The following CCNK variants were observed in gnomAD, a reference collection of about 807,000 sequenced individuals.
The protein encoded by CCNK is cyclin-K.
A neutral mutation model predicts 65.0 loss-of-function variants in CCNK; 9 were observed. The ratio of observed to expected loss-of-function variants is 0.14; its 90% CI spans 0.08 to 0.24. The LOEUF (loss-of-function observed/expected upper bound fraction) is 0.24. CCNK is among the 10% of genes least tolerant of loss of function. The pLI, the probability that CCNK is intolerant of heterozygous loss-of-function variation, is 1.00. For synonymous variants in CCNK, 279 were observed against 270.8 expected (o/e 1.03, Z -0.30); for missense variants, 474 against 720.0 (o/e 0.66, Z 3.91).
At chr14:99,503,545 T>C (rs916115458) in intron 8 of CCNK, 66 bp from the exon 9 acceptor site, 2 of 1,384,358 alleles carry the variant, frequency 1.4e-6, no homozygotes, top group Non-Finnish European at 1.0e-6. Context: ...GGTACCTGGA[T>C]AATCCATTTT....
chr14:99,500,994 A>G (rs1187747318), intron 5 of CCNK, 123 bp downstream of exon 5: 13 of 679,686 alleles, frequency 1.9e-5, no homozygotes, highest in African/African-American at 5.5e-5. Context: ...TACCAAGGGC[A>G]TGGCTTGCTC....
Position 99,502,636 on chromosome 14 carries a change from G to T in CCNK, c.746-83G>T, listed in dbSNP as rs79410788. ...GATTCATGCTTAGGTCCTCGTAGGG[G>T]TATCATAACTGATTCTTTATCCAGG... On this transcript the variant is annotated intron_variant, in intron 7 of 10. Coordinates refer to ENST00000389879, the MANE Select transcript of CCNK (RefSeq NM_001099402.2). 3.0e-6 allele frequency: 4 copies of T among 1,342,512 alleles called. No individual in the cohort carries two copies. The African/African-American group carries it at 4.4e-5, about 15-fold the overall frequency. The allele number at this position is 1,342,512 out of a possible 1,614,324, so 83.2% of individuals were successfully genotyped here. A position where few individuals can be genotyped will look rare whatever the true frequency, so the allele number is the denominator to read the frequency against.
intron 1 of CCNK, among the ~76,000 whole-genome samples, chr14:99,483,143 C>T (rs1290036574): frequency 6.6e-6 from 1 of 152,116 alleles, no homozygotes; most frequent in Non-Finnish European, 1.5e-5. Context: ...CTCTTGGCTA[C>T]TAGGAACCTA....
At chr14:99,507,375 G>A (rs531351860) in intron 10 of CCNK, 6 of 529,400 alleles carry the variant, frequency 1.1e-5, no homozygotes, top group South Asian at 4.1e-5. Context: ...CCAGGAGTTC[G>A]AGGTCAGCCT....
intron 9 of CCNK, chr14:99,503,887 A>T (rs1020484716): frequency 1.9e-6 from 1 of 529,454 alleles, no homozygotes. Context: ...ACTCAGTAAC[A>T]TATATAAAAG....
At chr14:99,494,618 A>G (rs1049813854) in intron 3 of CCNK, 2 of 152,236 alleles carry the variant, frequency 1.3e-5, no homozygotes, top group African/African-American at 4.8e-5. Flanking sequence ...GAAGGATTGG[A>G]GTGGGCAAAG....
rs1897117592 is a variant in CCNK at position 99,511,002 on chromosome 14, G to C, written c.*220G>C. On this transcript the variant is annotated 3_prime_UTR_variant, in exon 11 of 11. Coordinates refer to ENST00000389879, the MANE Select transcript of CCNK (RefSeq NM_001099402.2). ...AGCCTCATCAGTGCCCTTGCAGTCT[G>C]ACTGTGTACACTTGGTTCAGCTAAT... 3 of 383,970 alleles carry C rather than the reference G, an allele frequency of 7.8e-6. No individual in the cohort carries two copies. The highest frequency in any genetic ancestry group is 1.4e-5 in the Non-Finnish European group (3 of 217,924). 23.8% of individuals were successfully genotyped at this position (383,970 alleles called of 1,614,324 possible). A position where few individuals can be genotyped will look rare whatever the true frequency, so the allele number is the denominator to read the frequency against.
intron 1 of CCNK, among the ~76,000 whole-genome samples, chr14:99,485,154 T>G (rs1363864091): frequency 6.6e-6 from 1 of 152,234 alleles, no homozygotes; most frequent in Non-Finnish European, 1.5e-5. Context: ...ATATTTTCAC[T>G]ACATTTCATG....
rs751539159 is a variant in CCNK, at chr14:99,510,803, T to C, written c.*21T>C. ...GATAACGTGAGCCTTTTTTCCCTCT[T>C]TGTTTTTTTAACAAGATTTTCTAAT... On this transcript the variant is annotated 3_prime_UTR_variant, in exon 11 of 11. Coordinates refer to ENST00000389879, the MANE Select transcript of CCNK (RefSeq NM_001099402.2). The C allele has an allele frequency of 4.3e-6, 6 of 1,409,388 alleles. No homozygotes were observed. Among genetic ancestry groups the C allele is most frequent in the African/African-American group, 1.5e-5 (1 of 67,968 alleles). The allele number at this position is 1,409,388 out of a possible 1,614,324, so 87.3% of individuals were successfully genotyped here.
intron 1 of CCNK, among the ~76,000 whole-genome samples, chr14:99,489,791 G>A (rs1896562996): frequency 6.6e-6 from 1 of 152,138 alleles, no homozygotes; most frequent in African/African-American, 2.4e-5. Context: ...AGCTGAAAGA[G>A]CACCTAATGG....
chr14:99,509,622 G>T (rs1897069440), intron 10 of CCNK: 1 of 162,472 alleles, frequency 6.2e-6, no homozygotes, highest in African/African-American at 2.4e-5. Flanking sequence ...GTTTGATGTA[G>T]CCTCTCTTGA....
At chr14:99,497,617 C>T (rs1307080762) in intron 4 of CCNK, among the ~76,000 whole-genome samples, 1 of 152,114 alleles carries the variant, frequency 6.6e-6, no homozygotes, top group African/African-American at 2.4e-5. Flanking sequence ...AAGTTCAGCC[C>T]CATTCATGGT....
intron 1 of CCNK, among the ~76,000 whole-genome samples, chr14:99,487,904 C>T (rs1566746324): frequency 6.6e-6 from 1 of 152,160 alleles, no homozygotes; most frequent in Non-Finnish European, 1.5e-5. Flanking sequence ...CCTTGGCTAT[C>T]GAGGGATTGA....
At chr14:99,488,870 C>G (rs1212722149) in intron 1 of CCNK, among the ~76,000 whole-genome samples, 2 of 149,952 alleles carry the variant, frequency 1.3e-5, no homozygotes, top group East Asian at 1.9e-4. Context: ...TTCAAATTAC[C>G]TTGGATTAGT....
At position 99,507,058 on chromosome 14, in the gene CCNK, T is replaced by C. The variant is rs1745766401; in HGVS notation, c.1046-18T>C. ...TGAAGAAGTATGAGTGGTTTTCTAA[T>C]CTGCTTTTTCTTTGTAGAACCACCA... On this transcript the variant is annotated intron_variant, in intron 9 of 10. Transcript: ENST00000389879. 2.0e-6 allele frequency: 3 copies of C among 1,529,880 alleles called. No individual in the cohort carries two copies. In the East Asian group the frequency reaches 6.7e-5, roughly 34 times the overall value. The allele number at this position is 1,529,880 out of a possible 1,614,324, so 94.8% of individuals were successfully genotyped here. A position where few individuals can be genotyped will look rare whatever the true frequency, so the allele number is the denominator to read the frequency against.
intron 4 of CCNK, among the ~76,000 whole-genome samples, chr14:99,497,253 T>C (rs1896722576): frequency 6.6e-6 from 1 of 152,224 alleles, no homozygotes; most frequent in African/African-American, 2.4e-5. Flanking sequence ...TTTGTCTCCT[T>C]CTCCCCGCTA....
chr14:99,507,426 G>A, intron 10 of CCNK: 1 of 429,010 alleles, frequency 2.3e-6, no homozygotes, highest in East Asian at 4.7e-5. Flanking sequence ...TTAGCCAGGT[G>A]TGGTAGCACA....
intron 10 of CCNK, 107 bp from the exon 11 acceptor site, chr14:99,510,050 C>A: frequency 1.8e-6 from 2 of 1,128,604 alleles, no homozygotes; most frequent in Non-Finnish European, 2.5e-6. Flanking sequence ...AGGAGGCGGG[C>A]AGCTGCTCCC....
chr14:99,507,085 C>G lies in CCNK; in HGVS notation c.1055C>G (p.Pro352Arg). ...KEENKAAEPP[P>R]PKIPKIETTH... ...TGCTTTTTCTTTGTAGAACCACCAC[C>G]ACCTAAAATCCCCAAAATTGAGACC... Residue 352 changes from proline to arginine, a missense_variant, in exon 10 of 11, where the codon CCA becomes CGA. Physicochemically the swap from Pro to Arg is moderately radical, Grantham distance 103 (BLOSUM62 -2). Transcript: ENST00000389879. The G allele has an allele frequency of 6.2e-7, 1 of 1,606,262 alleles. No individual in the cohort carries two copies. The highest frequency in any genetic ancestry group is 8.5e-7 in the Non-Finnish European group (1 of 1,172,942).
Sources: allele counts gnomAD v4.1 joint callset (sites outside exome capture counted in the v4.1 genomes callset), GRCh38; gene constraint gnomAD v4.1.1; transcripts MANE v1.5; gene names NCBI Gene and HGNC (gene_info 2026-07-23, HGNC 2026-07-21).